Variants in ANK2 observed in about 807,000 individuals in gnomAD.
The protein encoded by ANK2 is ankyrin 2, also known as ankyrin-2.
ANK2 carries 83 observed loss-of-function variants against 360.5 expected under a neutral mutation model. The observed-to-expected ratio is 0.23, with a 90% CI of 0.19 to 0.28. The LOEUF is 0.28. Among genes scored for constraint, ANK2 ranks in the 10% least tolerant of loss-of-function variants. The pLI, the probability that ANK2 is intolerant of heterozygous loss-of-function variation, is 1.00. For missense variants in ANK2, 4,201 were observed against 4,795.7 expected, an observed-to-expected ratio of 0.88 and a Z score of 3.66; for synonymous variants, 1,740 against 1,759.5, an observed-to-expected ratio of 0.99 and a Z score of 0.28.
chr4:112,829,050 A>G (rs777873965), intron 1 of ANK2, among the ~76,000 whole-genome samples: 11 of 152,170 alleles, frequency 7.2e-5, no homozygotes, highest in Non-Finnish European at 1.3e-4. Context: ...CTATTTGTGG[A>G]GCTGAGGCAT....
chr4:113,137,676 C>G (rs2096487409), intron 1 of ANK2, among the ~76,000 whole-genome samples: 1 of 151,944 alleles, frequency 6.6e-6, no homozygotes, highest in African/African-American at 2.4e-5. Flanking sequence ...TTCTTATCTT[C>G]TGGTAGAGAA....
intron 2 of ANK2, 21 bp downstream of exon 2, chr4:113,174,538 T>C: frequency 6.5e-7 from 1 of 1,539,622 alleles, no homozygotes; most frequent in Non-Finnish European, 9.0e-7. Context: ...GGCAGCTAGC[T>C]CTGTGTTGTG....
chr4:112,945,117 C>T (rs746845438), intron 2 of ANK2, among the ~76,000 whole-genome samples: 3 of 152,182 alleles, frequency 2.0e-5, no homozygotes, highest in Admixed American at 6.5e-5. Flanking sequence ...AGGGGCTCTG[C>T]TCCACATTGT....
chr4:113,024,408 A>G (rs1357001498), intron 2 of ANK2, among the ~76,000 whole-genome samples: 3 of 152,304 alleles, frequency 2.0e-5, no homozygotes, highest in Admixed American at 6.5e-5. Context: ...TAATTTGTCA[A>G]TTTGACTGAG....
At chr4:113,101,460 C>G (rs1326906889) in intron 1 of ANK2, among the ~76,000 whole-genome samples, 1 of 152,108 alleles carries the variant, frequency 6.6e-6, no homozygotes, top group Non-Finnish European at 1.5e-5. Context: ...GTGGTGTTAA[C>G]TGGACTCTAA....
At chr4:112,919,306 C>T (rs1486931021) in intron 2 of ANK2, among the ~76,000 whole-genome samples, 1 of 152,072 alleles carries the variant, frequency 6.6e-6, no homozygotes, top group African/African-American at 2.4e-5. Flanking sequence ...CAGCTTTTAT[C>T]TCTTTATCAC....
At chr4:113,006,244 A>T (rs968915561) in intron 2 of ANK2, among the ~76,000 whole-genome samples, 1 of 152,208 alleles carries the variant, frequency 6.6e-6, no homozygotes, top group Non-Finnish European at 1.5e-5. Context: ...GTCATTACAC[A>T]TTCAACATAT....
intron 1 of ANK2, among the ~76,000 whole-genome samples, chr4:112,902,757 G>T (rs1316504779): frequency 6.6e-6 from 1 of 152,168 alleles, no homozygotes; most frequent in Non-Finnish European, 1.5e-5. Flanking sequence ...TAAAAACAGG[G>T]TTGTGATTTC....
the ANK2 span, among the ~76,000 whole-genome samples, chr4:112,807,429 C>T: frequency 6.6e-6 from 1 of 152,142 alleles, no homozygotes; most frequent in Non-Finnish European, 1.5e-5. Context: ...AAGAACATGG[C>T]AGAACACTGA....
At chr4:112,999,456 G>A (rs1455790843) in intron 2 of ANK2, among the ~76,000 whole-genome samples, 3 of 152,070 alleles carry the variant, frequency 2.0e-5, no homozygotes, top group Non-Finnish European at 4.4e-5. Flanking sequence ...GGGGCACCAC[G>A]AAACTAAGCC....
rs1210838884 is a variant in ANK2 at position 113,292,649 on chromosome 4, T to A, written c.2376+135T>A. Reference sequence around the variant, plus strand: ...CCCCTGGACTCTGGAAAGCCCCAGATTTTTGGGCAGGCTTTCCAGAAGTCA... The same window carrying A: ...CCCCTGGACTCTGGAAAGCCCCAGAATTTTGGGCAGGCTTTCCAGAAGTCA... On this transcript the variant is annotated intron_variant, in intron 21 of 45. Transcript: ENST00000357077. 5.9e-6 allele frequency: 6 copies of A among 1,017,990 alleles called. 1 individual carries two copies. Among genetic ancestry groups the A allele is most frequent in the Non-Finnish European group, 8.9e-6 (6 of 672,712 alleles). 63.1% of individuals were successfully genotyped at this position (1,017,990 alleles called of 1,614,324 possible).
At chr4:113,133,403 A>G (rs1274605674) in intron 1 of ANK2, among the ~76,000 whole-genome samples, 1 of 152,120 alleles carries the variant, frequency 6.6e-6, no homozygotes, top group Non-Finnish European at 1.5e-5. Flanking sequence ...GATATTCTAA[A>G]TCTCATTTTT....
chr4:113,033,551 AAAG>A (rs2060893241), intron 2 of ANK2, among the ~76,000 whole-genome samples: 1 of 152,118 alleles, frequency 6.6e-6, no homozygotes, highest in Middle Eastern at 3.4e-3. Flanking sequence ...TCTTTGGAGA[AAAG>A]AGATTTATTT....
chr4:112,969,336 G>T (rs1582185667), intron 2 of ANK2, among the ~76,000 whole-genome samples: 1 of 152,150 alleles, frequency 6.6e-6, no homozygotes, highest in East Asian at 1.9e-4. Flanking sequence ...GCCATTTGCT[G>T]ACTACCTATC....
intron 2 of ANK2, among the ~76,000 whole-genome samples, chr4:112,929,524 T>C (rs956911499): frequency 1.3e-5 from 2 of 152,216 alleles, no homozygotes; most frequent in African/African-American, 4.8e-5. Context: ...ATTCATTGTG[T>C]TATTGTGTTC....
chr4:113,355,839 A>C lies in ANK2; in HGVS notation c.7221A>C (p.Gln2407His), dbSNP rs776036456. The change falls in exon 38 of 46, where the codon CAA (glutamine) becomes CAC (histidine). Residue 2407 changes from glutamine (Q) to histidine (H), a missense_variant. Gln to His is a conservative substitution (Grantham distance 24). Coordinates refer to ENST00000357077, the MANE Select transcript of ANK2 (RefSeq NM_001148.6). ...CTCAGGGAGTCATTAGAAGTCCCCA[A>C]GGGTTAGAACTTGCACTCCCTAGCC... is the stretch of plus-strand genomic sequence containing the variant. ...SKPQGVIRSP[Q>H]GLELALPSRD... 2 of 1,614,110 alleles carry C rather than the reference A, an allele frequency of 1.2e-6. No homozygotes were observed. Among genetic ancestry groups the C allele is most frequent in the Non-Finnish European group, 1.7e-6 (2 of 1,179,970 alleles).
chr4:112,938,338 C>T (rs533265867), intron 2 of ANK2, among the ~76,000 whole-genome samples: 79 of 152,236 alleles, frequency 5.2e-4, no homozygotes, highest in African/African-American at 1.7e-3. Flanking sequence ...ATTCCTTCTC[C>T]AGACTTCTTT....
chr4:112,958,998 G>A (rs925336522), intron 2 of ANK2, among the ~76,000 whole-genome samples: 1 of 151,920 alleles, frequency 6.6e-6, no homozygotes, highest in African/African-American at 2.4e-5. Context: ...ACAGGTGCCC[G>A]CCACCACGCC....
chr4:112,872,340 AT>A (rs112456773), intron 1 of ANK2, among the ~76,000 whole-genome samples: 336 of 138,400 alleles, frequency 2.4e-3, no homozygotes, highest in Middle Eastern at 7.8e-3. Context: ...TTGCATCTGT[AT>A]TTTTTTTTTT....
Sources: allele counts gnomAD v4.1 joint callset (sites outside exome capture counted in the v4.1 genomes callset), GRCh38; gene constraint gnomAD v4.1.1; transcripts MANE v1.5; gene names NCBI Gene and HGNC (gene_info 2026-07-23, HGNC 2026-07-21).